MGST2: variants seen among roughly 807,000 people sequenced by gnomAD.
MGST2 encodes glutathione peroxidase MGST2.
A neutral mutation model predicts 16.6 loss-of-function variants in MGST2; 9 were observed. The ratio of observed to expected loss-of-function variants is 0.54; its 90% CI spans 0.33 to 0.95. The LOEUF is 0.95. Ranked by LOEUF, MGST2 falls within the 40% of genes least tolerant of loss-of-function variation. The probability of loss-of-function intolerance (pLI) is 0.03; values close to 1 mark genes in which losing one functional copy is unlikely to be tolerated. For missense variants in MGST2, 159 were observed against 175.1 expected, an observed-to-expected ratio of 0.91 and a Z score of 0.52; for synonymous variants, 79 against 68.0, an observed-to-expected ratio of 1.16 and a Z score of -0.79.
At chr4:139,752,860 C>T in the MGST2 span, among the ~76,000 whole-genome samples, 99 of 152,198 alleles carry the variant, frequency 6.5e-4, no homozygotes, top group Non-Finnish European at 7.4e-4. Flanking sequence ...GCTGTTAATG[C>T]GATGTCATTA....
intron 5 of MGST2, chr4:139,730,455 CT>C (rs1728656934): frequency 3.2e-5 from 49 of 1,552,106 alleles, no homozygotes; most frequent in Non-Finnish European, 3.7e-5. Context: ...GCTGCTGCTG[CT>C]GCCTTTGCTC....
downstream of MGST2, among the ~76,000 whole-genome samples, chr4:139,704,436 G>A (rs1727438298): frequency 6.6e-6 from 1 of 152,024 alleles, no homozygotes; most frequent in Non-Finnish European, 1.5e-5. Context: ...TGGCCGTTCC[G>A]AGGACTACTG....
intron 1 of MGST2, among the ~76,000 whole-genome samples, chr4:139,678,239 C>T (rs1051679318): frequency 6.6e-6 from 1 of 152,194 alleles, no homozygotes. Context: ...AATTTTGTTT[C>T]TCTTAGGGAA....
chr4:139,691,078 A>G (rs1234986818), intron 2 of MGST2, among the ~76,000 whole-genome samples: 3 of 152,204 alleles, frequency 2.0e-5, no homozygotes, highest in Admixed American at 6.5e-5. Flanking sequence ...AAGCTTCAAT[A>G]TCAAAGGAGC....
chr4:139,721,888 C>T (rs773859093), intron 5 of MGST2, among the ~76,000 whole-genome samples: 11 of 152,028 alleles, frequency 7.2e-5, no homozygotes, highest in East Asian at 5.8e-4. Context: ...GTGACCTTAA[C>T]GACTAAATTT....
intron 5 of MGST2, among the ~76,000 whole-genome samples, chr4:139,716,537 C>T (rs1038739702): frequency 6.6e-6 from 1 of 150,588 alleles, no homozygotes; most frequent in Non-Finnish European, 1.5e-5. Flanking sequence ...TTTGCCACAT[C>T]CTTCAGAGTG....
the MGST2 span, among the ~76,000 whole-genome samples, chr4:139,745,826 A>G: frequency 1.3e-5 from 2 of 152,236 alleles, no homozygotes; most frequent in Non-Finnish European, 1.5e-5. Context: ...GTAGGTATAT[A>G]CTGTGAATAT....
At chr4:139,714,544 G>T (rs187849495) in intron 5 of MGST2, among the ~76,000 whole-genome samples, 1 of 152,108 alleles carries the variant, frequency 6.6e-6, no homozygotes, top group African/African-American at 2.4e-5. Flanking sequence ...AGCAAAATAC[G>T]CGTAATAAAA....
chr4:139,719,301 T>C, intron 5 of MGST2: 1 of 1,541,372 alleles, frequency 6.5e-7, no homozygotes, highest in South Asian at 1.3e-5. Context: ...ACTCGAGTTG[T>C]GGATCTTGGG....
At chr4:139,683,403 C>A (rs1162836820) in intron 2 of MGST2, among the ~76,000 whole-genome samples, 1 of 152,128 alleles carries the variant, frequency 6.6e-6, no homozygotes, top group African/African-American at 2.4e-5. Flanking sequence ...GAGAAGGCTG[C>A]AGGAGAACTG....
chr4:139,719,020 A>C, intron 5 of MGST2: 2 of 319,524 alleles, frequency 6.3e-6, no homozygotes, highest in Non-Finnish European at 1.1e-5. Flanking sequence ...AGGCGATCAC[A>C]GGGCATGCTG....
rs564837717 is a variant in MGST2 at position 139,713,597 on chromosome 4, T to C, written c.*48+9401T>C. ...TTAATGGCCTTTTAAATATATCTAT[T>C]GCTTGTTTATCTACTTTTAATTAAG... On this transcript the variant is annotated intron_variant, in intron 5 of 5. Coordinates refer to the MGST2 transcript ENST00000616265. Among the ~76,000 whole-genome samples, 8 of 152,306 alleles carry C rather than the reference T, an allele frequency of 5.3e-5. No homozygotes were observed. In the South Asian group the frequency reaches 1.4e-3, roughly 28 times the overall value.
intron 5 of MGST2, among the ~76,000 whole-genome samples, chr4:139,732,488 C>T (rs1021878394): frequency 1.3e-5 from 2 of 152,172 alleles, no homozygotes; most frequent in Non-Finnish European, 2.9e-5. Context: ...TAGAAACAAT[C>T]ACCCAAGAAG....
chr4:139,671,504 C>T (rs756446333), intron 1 of MGST2, among the ~76,000 whole-genome samples: 3 of 146,620 alleles, frequency 2.0e-5, no homozygotes, highest in African/African-American at 5.0e-5. Flanking sequence ...ACTGCTCTGT[C>T]GCCCGGGCTG....
intron 2 of MGST2, among the ~76,000 whole-genome samples, chr4:139,689,628 C>T (rs1424289207): frequency 6.6e-6 from 1 of 152,156 alleles, no homozygotes; most frequent in East Asian, 1.9e-4. Flanking sequence ...CAGGATGAGT[C>T]ACCTAAACAA....
intron 3 of MGST2, among the ~76,000 whole-genome samples, chr4:139,700,833 A>G (rs1425510047): frequency 6.6e-6 from 1 of 152,166 alleles, no homozygotes; most frequent in Non-Finnish European, 1.5e-5. Flanking sequence ...TTCGTTGGAG[A>G]AATTCAATCT....
chr4:139,681,640 T>C (rs555318736), intron 2 of MGST2, among the ~76,000 whole-genome samples: 34 of 152,364 alleles, frequency 2.2e-4, no homozygotes, highest in African/African-American at 7.7e-4. Context: ...TTCTCTTATA[T>C]TTGAGGATTT....
rs562303338 is a variant in MGST2 at position 139,715,768 on chromosome 4, G to T, written c.*48+11572G>T. On this transcript the variant is annotated intron_variant, in intron 5 of 5. Coordinates refer to the MGST2 transcript ENST00000616265. This position sits in a 1 kb window ranked among gnomAD's most constrained non-coding sequence, Gnocchi z 4.4. ...AGGACGACCAGAGGTCACCCTCGTC[G>T]CTATTTTGGTTTTGGTGGGCTTTGG... is the stretch of plus-strand genomic sequence containing the variant. Among the ~76,000 whole-genome samples the T allele has an allele frequency of 9.0e-3, 1,377 of 152,260 alleles. 11 individuals carry two copies. The highest frequency in any genetic ancestry group is 0.016 in the Non-Finnish European group (1,056 of 68,010).
At chr4:139,697,003 T>C (rs1726962256) in intron 3 of MGST2, among the ~76,000 whole-genome samples, 1 of 152,150 alleles carries the variant, frequency 6.6e-6, no homozygotes, top group Non-Finnish European at 1.5e-5. Context: ...TCAGGGACAG[T>C]GTCCAATATC....
Sources: allele counts gnomAD v4.1 joint callset (sites outside exome capture counted in the v4.1 genomes callset), GRCh38; gene constraint gnomAD v4.1.1; non-coding constraint Gnocchi (gnomAD v3.1); transcripts MANE v1.5; gene names NCBI Gene and HGNC (gene_info 2026-07-23, HGNC 2026-07-21).